FAF1: variants seen among roughly 807,000 people sequenced by gnomAD.
FAF1 encodes Fas associated factor 1.
A neutral mutation model predicts 92.5 loss-of-function variants in FAF1; 25 were observed. The observed-to-expected ratio is 0.27, with a 90% CI of 0.20 to 0.38. FAF1 has a LOEUF of 0.38. Ranked by LOEUF, FAF1 falls within the 10% of genes least tolerant of loss-of-function variation. The probability of loss-of-function intolerance (pLI) is 1.00; values close to 1 mark genes in which losing one functional copy is unlikely to be tolerated. For synonymous variants in FAF1, 234 were observed against 273.2 expected, an observed-to-expected ratio of 0.86 and a Z score of 1.42; for missense variants, 636 against 793.3, an observed-to-expected ratio of 0.80 and a Z score of 2.38.
chr1:50,754,387 T>C (rs1366779651), intron 4 of FAF1, among the ~76,000 whole-genome samples: 1 of 152,224 alleles, frequency 6.6e-6, no homozygotes, highest in Non-Finnish European at 1.5e-5. Flanking sequence ...TTCTGAGTAG[T>C]GTAACCAAAG....
chr1:50,520,947 AC>A (rs1424458533), intron 15 of FAF1, among the ~76,000 whole-genome samples: 1 of 152,218 alleles, frequency 6.6e-6, no homozygotes, highest in East Asian at 1.9e-4. Context: ...TGCTAGGGAT[AC>A]TTTTTGTAAG....
Position 50,781,004 on chromosome 1 carries a change from T to C in FAF1, c.367+6996A>G, listed in dbSNP as rs1405091364. The C allele has an allele frequency of 8.4e-6, 4 of 476,576 alleles. No homozygotes were observed. The East Asian group carries it at 2.3e-4, about 28-fold the overall frequency. The allele number at this position is 476,576 out of a possible 1,614,324, so 29.5% of individuals were successfully genotyped here. ...GGTGACTCCAAGGCAGCTTAGCTGA[T>C]TGCCAACTCACTGGCCACTGTGGGT... On this transcript the variant is annotated intron_variant, in intron 4 of 18. Transcript: ENST00000396153.
intron 13 of FAF1, among the ~76,000 whole-genome samples, chr1:50,557,775 C>A (rs1178416670): frequency 2.0e-5 from 3 of 152,020 alleles, no homozygotes; most frequent in Non-Finnish European, 4.4e-5. Context: ...GCCGAAATAT[C>A]ATCAATATAA....
At chr1:50,728,194 T>A (rs948511576) in intron 6 of FAF1, among the ~76,000 whole-genome samples, 1 of 152,118 alleles carries the variant, frequency 6.6e-6, no homozygotes, top group Non-Finnish European at 1.5e-5. Flanking sequence ...CTGTTTTAGA[T>A]AGGGGCATCA....
intron 15 of FAF1, among the ~76,000 whole-genome samples, chr1:50,515,353 T>C (rs1647203899): frequency 6.6e-6 from 1 of 152,168 alleles, no homozygotes; most frequent in Non-Finnish European, 1.5e-5. Context: ...GTATGTATTC[T>C]AAAGCCTATG....
chr1:50,928,060 G>A (rs1040478710), intron 1 of FAF1, among the ~76,000 whole-genome samples: 1 of 152,134 alleles, frequency 6.6e-6, no homozygotes, highest in African/African-American at 2.4e-5. Context: ...CTGTGATTTT[G>A]CTGAGGTGAG....
At chr1:50,479,185 A>G (rs1646671995) in intron 17 of FAF1, among the ~76,000 whole-genome samples, 1 of 151,694 alleles carries the variant, frequency 6.6e-6, no homozygotes, top group Non-Finnish European at 1.5e-5. Context: ...AATAGAGCCG[A>G]TAACATCTTC....
At chr1:50,739,097 C>T (rs1569862393) in intron 5 of FAF1, 143 bp from the exon 6 acceptor site, 8 of 571,568 alleles carry the variant, frequency 1.4e-5, no homozygotes, top group Middle Eastern at 4.1e-4. Flanking sequence ...TGCAAAAGAA[C>T]TACTGAATCC....
chr1:50,576,639 C>CT, intron 12 of FAF1, among the ~76,000 whole-genome samples: 1 of 151,080 alleles, frequency 6.6e-6, no homozygotes, highest in East Asian at 2.0e-4. Context: ...CACCGCCCCC[C>CT]CCCCGCCACC....
intron 1 of FAF1, among the ~76,000 whole-genome samples, chr1:50,915,575 T>G (rs576382312): frequency 6.6e-6 from 1 of 152,006 alleles, no homozygotes; most frequent in East Asian, 1.9e-4. Flanking sequence ...AGGAATGGTA[T>G]GTACCAGGTA....
chr1:50,890,719 G>C (rs1191388173), intron 1 of FAF1, among the ~76,000 whole-genome samples: 2 of 152,190 alleles, frequency 1.3e-5, no homozygotes, highest in Non-Finnish European at 2.9e-5. Context: ...TAGAGTTTCT[G>C]TCGAGAGATC....
chr1:50,793,709 T>C (rs768455555), intron 3 of FAF1, among the ~76,000 whole-genome samples: 3 of 152,216 alleles, frequency 2.0e-5, no homozygotes, highest in Non-Finnish European at 4.4e-5. Flanking sequence ...ACCTTCATTG[T>C]CTTCCTAAAG....
rs752686590 is a variant in FAF1, at chr1:50,496,359, G to C, written c.1495-4558C>G. 3.9e-5 allele frequency among the ~76,000 whole-genome samples: 6 copies of C among 152,150 alleles called. No individual in the cohort carries two copies. In the South Asian group the frequency reaches 1.2e-3, roughly 32 times the overall value. ...GAAGTTCTCTCAATATAAATACTTA[G>C]AGATAGTAGGTAAAACATAACAAGT... On this transcript the variant is annotated intron_variant, in intron 15 of 18. Transcript: ENST00000396153.
At chr1:50,466,512 T>G (rs546266309) in intron 18 of FAF1, among the ~76,000 whole-genome samples, 1 of 152,204 alleles carries the variant, frequency 6.6e-6, no homozygotes, top group Non-Finnish European at 1.5e-5. Context: ...ACTGTGTATA[T>G]CACATTTATT....
intron 2 of FAF1, among the ~76,000 whole-genome samples, chr1:50,815,499 A>G (rs1643960230): frequency 6.6e-6 from 1 of 152,162 alleles, no homozygotes; most frequent in Non-Finnish European, 1.5e-5. Context: ...TGTCTTCGCT[A>G]TGGTGAATAC....
At chr1:50,806,824 A>G (rs1662224682) in intron 2 of FAF1, among the ~76,000 whole-genome samples, 1 of 152,224 alleles carries the variant, frequency 6.6e-6, no homozygotes, top group Admixed American at 6.5e-5. Context: ...CTCACCTTAT[A>G]CTACAATTAA....
chr1:50,610,698 G>C (rs1488621961), intron 8 of FAF1, among the ~76,000 whole-genome samples: 1 of 151,958 alleles, frequency 6.6e-6, no homozygotes, highest in African/African-American at 2.4e-5. Context: ...CACTTTTTCT[G>C]CTGTTTTTCT....
At chr1:50,932,360 T>C (rs1372974288) in intron 1 of FAF1, among the ~76,000 whole-genome samples, 1 of 152,192 alleles carries the variant, frequency 6.6e-6, no homozygotes, top group Non-Finnish European at 1.5e-5. Context: ...GTACAGGTAT[T>C]GGGTAAACAC....
chr1:50,584,259 G>A (rs1269509808), intron 10 of FAF1, among the ~76,000 whole-genome samples: 2 of 152,006 alleles, frequency 1.3e-5, no homozygotes, highest in Admixed American at 6.6e-5. Flanking sequence ...GAAAGAGATG[G>A]TACATTTAGT....
Sources: allele counts gnomAD v4.1 joint callset (sites outside exome capture counted in the v4.1 genomes callset), GRCh38; gene constraint gnomAD v4.1.1; transcripts MANE v1.5; gene names NCBI Gene and HGNC (gene_info 2026-07-23, HGNC 2026-07-21).